Variants in RNF141 observed in about 807,000 individuals in gnomAD.
The protein encoded by RNF141 is ring finger protein 141.
A neutral mutation model predicts 27.4 loss-of-function variants in RNF141; 18 were observed. The ratio of observed to expected loss-of-function variants is 0.66; its 90% CI spans 0.45 to 0.97. The LOEUF is 0.97. Among genes scored for constraint, RNF141 ranks in the 50% least tolerant of loss-of-function variants. The pLI is 0.00. For synonymous variants in RNF141, 97 were observed against 96.6 expected, an observed-to-expected ratio of 1.00 and a Z score of -0.02; for missense variants, 230 against 279.4, an observed-to-expected ratio of 0.82 and a Z score of 1.26.
In RNF141 at chr11:10,515,052, C is replaced by T; in HGVS notation, c.557G>A (p.Arg186Lys). The change falls in exon 6 of 6, where the codon AGG (arginine) becomes AAG (lysine). Residue 186 changes from arginine to lysine, a missense_variant. Arg to Lys is a conservative substitution (Grantham distance 26). Transcript: ENST00000265981. ...KCIDKWSDRHRNCPICRLQMT... is the reference protein window; with the variant it reads ...KCIDKWSDRHKNCPICRLQMT... ...CTGTAGGCGACAAATAGGGCAATTC[C>T]TGTGTCGATCACTCCTATTAGAGAA... 1 of 1,613,436 alleles carries T rather than the reference C, an allele frequency of 6.2e-7. No individual in the cohort carries two copies. The highest frequency in any genetic ancestry group is 8.5e-7 in the Non-Finnish European group (1 of 1,179,736).
intron 4 of RNF141, among the ~76,000 whole-genome samples, chr11:10,521,658 A>C (rs1017474765): frequency 3.3e-5 from 5 of 152,262 alleles, no homozygotes; most frequent in African/African-American, 1.2e-4. Flanking sequence ...TGCTAAGTAA[A>C]GAAGGAAGAG....
In RNF141 at chr11:10,512,064, T is replaced by G. The variant is rs1849804831; in HGVS notation, c.*2852A>C. 6.6e-6 allele frequency: 1 copy of G among 152,646 alleles called. No individual in the cohort carries two copies. Among genetic ancestry groups the G allele is most frequent in the Admixed American group, 6.5e-5 (1 of 15,280 alleles). The allele number at this position is 152,646 out of a possible 1,614,324, so 9.5% of individuals were successfully genotyped here. A position where few individuals can be genotyped will look rare whatever the true frequency, so the allele number is the denominator to read the frequency against. On this transcript the variant is annotated 3_prime_UTR_variant, in exon 6 of 6. Coordinates refer to ENST00000265981, the MANE Select transcript of RNF141 (RefSeq NM_016422.4). ...TCTCAAACTAAGGTTCTATACATAA[T>G]CGGAGTAAACCCTCTGTTACTGAGT...
rs1554905298 is a variant in RNF141 at position 10,539,691 on chromosome 11, C to CATATATATATATAT, written c.-48+1430_-48+1431insATATATATATATAT. 8.9e-4 allele frequency among the ~76,000 whole-genome samples: 36 copies of CATATATATATATAT among 40,328 alleles called. 9 individuals are homozygous for CATATATATATATAT. Among genetic ancestry groups the CATATATATATATAT allele is most frequent in the Admixed American group, 2.6e-3 (7 of 2,660 alleles). 26.5% of individuals were successfully genotyped at this position (40,328 alleles called of 152,430 possible). A position where few individuals can be genotyped will look rare whatever the true frequency, so the allele number is the denominator to read the frequency against. On this transcript the variant is annotated intron_variant, in intron 1 of 5. Coordinates refer to ENST00000265981, the MANE Select transcript of RNF141 (RefSeq NM_016422.4). ...GATCTTGATCAGAAAAAGATACATA[C>CATATATATATATAT]ATATATATTAGAGAGAGAAGGAGAG...
At chr11:10,523,056 G>A (rs1005172034) in intron 4 of RNF141, among the ~76,000 whole-genome samples, 1 of 152,214 alleles carries the variant, frequency 6.6e-6, no homozygotes, top group Non-Finnish European at 1.5e-5. Flanking sequence ...AGTATGAAAA[G>A]GCTTGCTTTT....
At chr11:10,519,866 A>C (rs1177155120) in intron 4 of RNF141, among the ~76,000 whole-genome samples, 1 of 152,160 alleles carries the variant, frequency 6.6e-6, no homozygotes, top group Non-Finnish European at 1.5e-5. Context: ...GTGGATATGA[A>C]GGCCTAGGAC....
rs75606450 is a variant in RNF141, at chr11:10,535,710, A to G, written c.-47-1505T>C. Among the ~76,000 whole-genome samples the G allele has an allele frequency of 7.6e-3, 1,165 of 152,288 alleles. 9 individuals carry two copies. The highest frequency in any genetic ancestry group is 0.02 in the Middle Eastern group (6 of 294). ...ATAAACAAAAATTCCCCAAAACTTA[A>G]CAAAAATCTCAAAAAGAACTTATAA... On this transcript the variant is annotated intron_variant, in intron 1 of 5. Transcript: ENST00000265981.
intron 2 of RNF141, 114 bp from the exon 3 acceptor site, chr11:10,530,865 C>T (rs557722386): frequency 2.7e-5 from 14 of 520,632 alleles, no homozygotes; most frequent in African/African-American, 2.5e-4. Context: ...TGAAGAAACA[C>T]AAAAAGACAA....
chr11:10,523,205 C>T (rs1432438979), intron 4 of RNF141, among the ~76,000 whole-genome samples: 2 of 152,218 alleles, frequency 1.3e-5, no homozygotes, highest in East Asian at 1.9e-4. Context: ...GGGAGCTTGA[C>T]AGACTCTCAG....
intron 2 of RNF141, among the ~76,000 whole-genome samples, chr11:10,531,417 T>C (rs1320251630): frequency 1.3e-5 from 2 of 151,888 alleles, no homozygotes; most frequent in Non-Finnish European, 2.9e-5. Flanking sequence ...ATCAAAATTT[T>C]TTGACTGTTG....
At chr11:10,522,559 G>A (rs1225332944) in intron 4 of RNF141, among the ~76,000 whole-genome samples, 1 of 152,156 alleles carries the variant, frequency 6.6e-6, no homozygotes, top group Non-Finnish European at 1.5e-5. Context: ...CCAGTATGTA[G>A]ACGAGACCCA....
intron 4 of RNF141, among the ~76,000 whole-genome samples, chr11:10,521,244 T>G (rs1443033727): frequency 6.6e-6 from 1 of 152,194 alleles, no homozygotes; most frequent in Non-Finnish European, 1.5e-5. Flanking sequence ...CATCATCATC[T>G]CTCTGCTCTC....
chr11:10,515,276 G>A, intron 5 of RNF141: 1 of 570,466 alleles, frequency 1.8e-6, no homozygotes, highest in South Asian at 2.3e-5. Flanking sequence ...TCCAGAGATA[G>A]ACTAAGCTGG....
intron 4 of RNF141, among the ~76,000 whole-genome samples, chr11:10,523,201 T>C (rs964729078): frequency 2.6e-5 from 4 of 152,234 alleles, no homozygotes; most frequent in Admixed American, 6.5e-5. Flanking sequence ...ACCTGGGAGC[T>C]TGACAGACTC....
At chr11:10,541,075 G>C (rs985002209) in intron 1 of RNF141, 47 bp downstream of exon 1, 1 of 152,288 alleles carries the variant, frequency 6.6e-6, no homozygotes, top group Non-Finnish European at 1.5e-5. Flanking sequence ...CAGAGTCCTG[G>C]AGCAGCTAGC....
At position 10,513,098 on chromosome 11, in the gene RNF141, C is replaced by A. The variant is rs1849814824; in HGVS notation, c.*1818G>T. 1 of 152,170 alleles carries A rather than the reference C, an allele frequency of 6.6e-6. No individual in the cohort carries two copies. The highest frequency in any genetic ancestry group is 2.4e-5 in the African/African-American group (1 of 41,444). The allele number at this position is 152,170 out of a possible 1,614,324, so 9.4% of individuals were successfully genotyped here. Reference sequence around the variant, plus strand: ...AGACTTTCTCAAGGTCACACAACCACCAAGTGCATTGCCAGGTTGATATGA... The same window carrying A: ...AGACTTTCTCAAGGTCACACAACCAACAAGTGCATTGCCAGGTTGATATGA... On this transcript the variant is annotated 3_prime_UTR_variant, in exon 6 of 6. Transcript: ENST00000265981.
At position 10,513,784 on chromosome 11, in the gene RNF141, A is replaced by T. The variant is rs914520126; in HGVS notation, c.*1132T>A. 3 of 151,908 alleles carry T rather than the reference A, an allele frequency of 2.0e-5. No homozygotes were observed. Among genetic ancestry groups the T allele is most frequent in the African/African-American group, 7.3e-5 (3 of 41,284 alleles). 9.4% of individuals were successfully genotyped at this position (151,908 alleles called of 1,614,324 possible). On this transcript the variant is annotated 3_prime_UTR_variant, in exon 6 of 6. Transcript: ENST00000265981. ...AACCTCCACCTCCTGGGTTCAAGCA[A>T]TTCTGCCTCAGCCTCCCGAGTAGCT...
At chr11:10,521,369 T>C (rs1202907635) in intron 4 of RNF141, among the ~76,000 whole-genome samples, 1 of 152,250 alleles carries the variant, frequency 6.6e-6, no homozygotes, top group East Asian at 1.9e-4. Flanking sequence ...TCTCAATAAA[T>C]GCTTCTTGAA....
At chr11:10,515,849 G>T (rs1849839015) in intron 5 of RNF141, 1 of 152,074 alleles carries the variant, frequency 6.6e-6, no homozygotes, top group African/African-American at 2.4e-5. Context: ...AAAGTTAAAA[G>T]ATAAACTTTA....
intron 2 of RNF141, among the ~76,000 whole-genome samples, chr11:10,532,496 TACACACACACACACACACACACACACAC>T (rs10559393): frequency 7.6e-6 from 1 of 131,156 alleles, no homozygotes; most frequent in South Asian, 2.5e-4. Flanking sequence ...GTTCATTTTC[TACACACACACACACACACACACACACAC>T]ACACACACAC....
Sources: allele counts gnomAD v4.1 joint callset (sites outside exome capture counted in the v4.1 genomes callset), GRCh38; gene constraint gnomAD v4.1.1; transcripts MANE v1.5; gene names NCBI Gene and HGNC (gene_info 2026-07-23, HGNC 2026-07-21).